Variants in DHRSX observed in about 807,000 individuals in gnomAD.
DHRSX encodes polyprenol dehydrogenase.
Under a neutral mutation model 34.0 loss-of-function variants are expected in DHRSX, and 31 were observed. That is an observed-to-expected ratio of 0.91 (90% CI 0.69 to 1.23). DHRSX has a LOEUF of 1.23. DHRSX is among the 50% of genes most tolerant of loss of function. The pLI is 0.00. For missense variants in DHRSX, 414 were observed against 428.1 expected (o/e 0.97, Z 0.29); for synonymous variants, 201 against 183.8 (o/e 1.09, Z -0.76).
chrX:2,269,455 C>G (rs958743698), intron 4 of DHRSX, among the ~76,000 whole-genome samples: 2 of 151,916 alleles, frequency 1.3e-5, no homozygotes, highest in African/African-American at 4.8e-5. Flanking sequence ...TATATGTATA[C>G]GTGTATCTGT....
At chrX:2,492,107 T>C (rs918132434) in intron 1 of DHRSX, among the ~76,000 whole-genome samples, 1 of 152,186 alleles carries the variant, frequency 6.6e-6, no homozygotes, top group Non-Finnish European at 1.5e-5. Flanking sequence ...ATGATGACTA[T>C]AGTGGGTTGA....
intron 3 of DHRSX, among the ~76,000 whole-genome samples, chrX:2,383,512 CCATCATCACAACCAT>C (rs2043237927): frequency 3.3e-5 from 5 of 151,998 alleles, no homozygotes. Context: ...ATCACTACCA[CCATCATCACAACCAT>C]CATCACCATC....
At chrX:2,483,173 C>G (rs1182453877) in intron 1 of DHRSX, among the ~76,000 whole-genome samples, 1 of 152,044 alleles carries the variant, frequency 6.6e-6, no homozygotes, top group Admixed American at 6.6e-5. Context: ...GCAGCCTCGA[C>G]TTTCCGGGCT....
chrX:2,286,108 C>A (rs181958382), intron 4 of DHRSX, among the ~76,000 whole-genome samples: 1 of 151,960 alleles, frequency 6.6e-6, no homozygotes, highest in East Asian at 1.9e-4. Context: ...TAGAATCCAG[C>A]CTTCTCATTT....
chrX:2,387,640 GC>G (rs1476505584), intron 3 of DHRSX, among the ~76,000 whole-genome samples: 1 of 151,982 alleles, frequency 6.6e-6, no homozygotes, highest in Non-Finnish European at 1.5e-5. Flanking sequence ...GCCTTTCCCA[GC>G]CCACGGACTC....
chrX:2,331,572 C>T (rs2042478526), intron 3 of DHRSX, among the ~76,000 whole-genome samples: 1 of 150,720 alleles, frequency 6.6e-6, no homozygotes, highest in Non-Finnish European at 1.5e-5. Context: ...CTCAGCCTGC[C>T]GAGTAGCTGG....
intron 1 of DHRSX, among the ~76,000 whole-genome samples, chrX:2,475,027 G>C (rs1437309490): frequency 6.6e-6 from 1 of 151,840 alleles, no homozygotes; most frequent in Non-Finnish European, 1.5e-5. Flanking sequence ...CCAAAGAACT[G>C]CCACCATGTA....
intron 3 of DHRSX, among the ~76,000 whole-genome samples, chrX:2,346,653 T>TTTCTTG (rs1556483986): frequency 6.6e-6 from 1 of 150,724 alleles, no homozygotes; most frequent in African/African-American, 2.5e-5. Flanking sequence ...TGGTTTTTTT[T>TTTCTTG]TTGTTGTTGT....
rs141838712 is a variant in DHRSX, at chrX:2,357,992, T to C, written c.286+50753A>G. Among the ~76,000 whole-genome samples the C allele has an allele frequency of 6.0e-3, 918 of 152,258 alleles. 3 individuals carry two copies. Among genetic ancestry groups the C allele is most frequent in the Non-Finnish European group, 9.7e-3 (663 of 68,028 alleles). ...TTATTTTAAAAAACTAATTAGAGATTGGGACAAAAAGAATCCTCAAAACAG... is the reference window on the plus strand; with the variant it reads ...TTATTTTAAAAAACTAATTAGAGATCGGGACAAAAAGAATCCTCAAAACAG... On this transcript the variant is annotated intron_variant, in intron 3 of 6. Coordinates refer to ENST00000334651, the MANE Select transcript of DHRSX (RefSeq NM_145177.3).
intron 2 of DHRSX, among the ~76,000 whole-genome samples, chrX:2,414,788 G>T (rs1268048481): frequency 6.6e-6 from 1 of 151,746 alleles, no homozygotes; most frequent in African/African-American, 2.4e-5. Flanking sequence ...GTCTCATCAT[G>T]ACCCAATACA....
intron 6 of DHRSX, among the ~76,000 whole-genome samples, chrX:2,231,412 C>A (rs2015873658): frequency 6.6e-6 from 1 of 151,950 alleles, no homozygotes; most frequent in South Asian, 2.1e-4. Context: ...CTCCTTCCTC[C>A]TTTGCTTCCT....
intron 1 of DHRSX, among the ~76,000 whole-genome samples, chrX:2,495,174 G>A (rs1377253852): frequency 6.6e-6 from 1 of 150,624 alleles, no homozygotes; most frequent in Non-Finnish European, 1.5e-5. Flanking sequence ...AGAAGTCACA[G>A]TACCCTGAAC....
chrX:2,316,453 G>A (rs1440915102), intron 3 of DHRSX, among the ~76,000 whole-genome samples: 3 of 152,122 alleles, frequency 2.0e-5, no homozygotes, highest in Non-Finnish European at 4.4e-5. Context: ...TTGGGAGGCT[G>A]GGGCAGGAGA....
chrX:2,457,259 T>G (rs2044311942), intron 1 of DHRSX, among the ~76,000 whole-genome samples: 1 of 151,502 alleles, frequency 6.6e-6, no homozygotes, highest in African/African-American at 2.4e-5. Flanking sequence ...ACCACCACCA[T>G]GTAGGCACTG....
Position 2,361,351 on chromosome X carries a change from T to C in DHRSX, c.286+47394A>G, listed in dbSNP as rs188643073. On this transcript the variant is annotated intron_variant, in intron 3 of 6. Transcript: ENST00000334651. ...CAAACTCCTGACTTCGTGATACACC[T>C]GCCTCAGCCTCCCAAAGTGCCAGGA... 2.0e-4 allele frequency among the ~76,000 whole-genome samples: 30 copies of C among 152,236 alleles called. 1 individual carries two copies. The East Asian group carries it at 5.4e-3, about 27-fold the overall frequency.
chrX:2,309,552 G>C (rs1342265428), intron 3 of DHRSX, among the ~76,000 whole-genome samples: 4 of 152,096 alleles, frequency 2.6e-5, no homozygotes. Context: ...AATGTGATAA[G>C]TGTGTCCATA....
intron 5 of DHRSX, among the ~76,000 whole-genome samples, chrX:2,265,598 G>A (rs184462224): frequency 0.017 from 1,876 of 112,372 alleles, 8 homozygotes; most frequent in Non-Finnish European, 0.027. Context: ...GAGCACCAGT[G>A]TACAGCAGAC....
intron 1 of DHRSX, among the ~76,000 whole-genome samples, chrX:2,491,982 G>A (rs1247282867): frequency 6.6e-6 from 1 of 152,182 alleles, no homozygotes; most frequent in African/African-American, 2.4e-5. Context: ...TTGTTAAAAG[G>A]TGTAATTGTG....
intron 5 of DHRSX, among the ~76,000 whole-genome samples, chrX:2,266,023 T>A (rs1176213407): frequency 5.5e-4 from 19 of 34,478 alleles, no homozygotes; most frequent in East Asian, 2.8e-3. Context: ...GAAGCACTGT[T>A]CCCAGAGCAC....
Sources: gnomAD v4.1 joint callset for allele counts (sites outside exome capture counted in the v4.1 genomes callset) on GRCh38, gnomAD v4.1.1 for gene constraint, MANE v1.5 for transcripts, NCBI Gene and HGNC (gene_info 2026-07-23, HGNC 2026-07-21) for gene names.